Variants in SLC4A10 observed in about 807,000 individuals in gnomAD.
The protein encoded by SLC4A10 is sodium-driven chloride bicarbonate exchanger.
A neutral mutation model predicts 137.7 loss-of-function variants in SLC4A10; 42 were observed. The ratio of observed to expected loss-of-function variants is 0.30; its 90% CI spans 0.24 to 0.39. The LOEUF (loss-of-function observed/expected upper bound fraction) is 0.39, where lower values mean the gene tolerates loss of function less well. Ranked by LOEUF, SLC4A10 falls within the 10% of genes least tolerant of loss-of-function variation. The probability of loss-of-function intolerance (pLI) is 1.00; values close to 1 mark genes in which losing one functional copy is unlikely to be tolerated. For synonymous variants in SLC4A10, 474 were observed against 464.1 expected (o/e 1.02, Z -0.27); for missense variants, 925 against 1,355.0 (o/e 0.68, Z 4.98).
intron 1 of SLC4A10, among the ~76,000 whole-genome samples, chr2:161,688,592 A>G (rs2041672981): frequency 6.6e-6 from 1 of 152,184 alleles, no homozygotes; most frequent in Admixed American, 6.5e-5. Context: ...TTTTAGAATT[A>G]TTTCTTTAAT....
At chr2:161,654,557 T>A (rs1365582262) in intron 1 of SLC4A10, among the ~76,000 whole-genome samples, 1 of 152,180 alleles carries the variant, frequency 6.6e-6, no homozygotes, top group Non-Finnish European at 1.5e-5. Flanking sequence ...AAATTTTTTG[T>A]AAATGGTATA....
chr2:161,817,325 C>T (rs1439755956), intron 3 of SLC4A10, among the ~76,000 whole-genome samples: 1 of 151,834 alleles, frequency 6.6e-6, no homozygotes, highest in Admixed American at 6.6e-5. Flanking sequence ...TTTGATGGGA[C>T]TGTTTGTTTT....
At chr2:161,923,639 A>G (rs904704729) in intron 15 of SLC4A10, among the ~76,000 whole-genome samples, 2 of 151,804 alleles carry the variant, frequency 1.3e-5, no homozygotes, top group African/African-American at 4.8e-5. Flanking sequence ...ACACATGGAC[A>G]CAGGAAGGGG....
rs186710055 is a variant in SLC4A10 at position 161,727,120 on chromosome 2, G to A, written c.49-43853G>A. Among the ~76,000 whole-genome samples the A allele has an allele frequency of 2.4e-3, 361 of 152,264 alleles. 1 individual carries two copies. Among genetic ancestry groups the A allele is most frequent in the Non-Finnish European group, 3.6e-3 (247 of 68,022 alleles). ...TGTAACCCAGGTACAGTTAAAGGTG[G>A]AAAACACTATCTTAAGAACAGATGG... On this transcript the variant is annotated intron_variant, in intron 1 of 26. Coordinates refer to ENST00000446997, the MANE Select transcript of SLC4A10 (RefSeq NM_001178015.2).
At chr2:161,654,783 A>G (rs1012694836) in intron 1 of SLC4A10, among the ~76,000 whole-genome samples, 6 of 152,160 alleles carry the variant, frequency 3.9e-5, no homozygotes, top group South Asian at 2.1e-4. Flanking sequence ...TTGTAGATTT[A>G]TGATATATTT....
chr2:161,842,871 T>C (rs1291142181), intron 4 of SLC4A10, among the ~76,000 whole-genome samples: 2 of 152,136 alleles, frequency 1.3e-5, no homozygotes, highest in Non-Finnish European at 2.9e-5. Context: ...TAAGTTAAAG[T>C]TCCTCCCTCC....
intron 4 of SLC4A10, among the ~76,000 whole-genome samples, 198 bp downstream of exon 4, chr2:161,840,125 T>C (rs1350252646): frequency 1.1e-4 from 17 of 152,190 alleles, no homozygotes; most frequent in Admixed American, 1.1e-3. Flanking sequence ...TAAACGGTGA[T>C]GCAGAGCCAG....
chr2:161,847,085 CA>C (rs112754742), intron 4 of SLC4A10, among the ~76,000 whole-genome samples: 162 of 139,078 alleles, frequency 1.2e-3, no homozygotes, highest in East Asian at 2.4e-3. Flanking sequence ...TAAAAAAATA[CA>C]AAAAAAAAAA....
intron 1 of SLC4A10, among the ~76,000 whole-genome samples, chr2:161,734,731 T>C (rs1263480761): frequency 2.6e-5 from 4 of 151,486 alleles, no homozygotes; most frequent in Admixed American, 2.6e-4. Context: ...TCTCTTTATA[T>C]ACTCTGTATA....
At chr2:161,911,197 A>AG (rs917441090) in intron 15 of SLC4A10, among the ~76,000 whole-genome samples, 91 of 152,164 alleles carry the variant, frequency 6.0e-4, no homozygotes, top group African/African-American at 2.1e-3. Flanking sequence ...TAAAGAAAAT[A>AG]GTGCTTGTTT....
chr2:161,629,774 G>T (rs1425822493), intron 1 of SLC4A10, among the ~76,000 whole-genome samples: 2 of 151,648 alleles, frequency 1.3e-5, no homozygotes, highest in Non-Finnish European at 2.9e-5. Context: ...GCATTTTTTA[G>T]AGTATTATAT....
chr2:161,724,888 C>T (rs1475668747), intron 1 of SLC4A10, among the ~76,000 whole-genome samples: 1 of 151,998 alleles, frequency 6.6e-6, no homozygotes, highest in African/African-American at 2.4e-5. Flanking sequence ...CAGGATTTAC[C>T]TTAGTTGAAG....
At chr2:161,664,922 C>T (rs1291229807) in intron 1 of SLC4A10, among the ~76,000 whole-genome samples, 1 of 151,638 alleles carries the variant, frequency 6.6e-6, no homozygotes, top group Non-Finnish European at 1.5e-5. Context: ...GAAGCAGAGG[C>T]AACATCAAAA....
chr2:161,882,976 A>G (rs902818025), intron 10 of SLC4A10, among the ~76,000 whole-genome samples: 9 of 152,116 alleles, frequency 5.9e-5, no homozygotes, highest in Admixed American at 2.6e-4. Flanking sequence ...AAATTTTTCT[A>G]TGTAAAAAAT....
chr2:161,972,776 A>C (rs1019517242), intron 23 of SLC4A10, among the ~76,000 whole-genome samples: 1 of 152,220 alleles, frequency 6.6e-6, no homozygotes, highest in Non-Finnish European at 1.5e-5. Flanking sequence ...TAGGGTGGGC[A>C]CAGAGATTCT....
intron 2 of SLC4A10, among the ~76,000 whole-genome samples, chr2:161,777,850 T>C (rs1010914550): frequency 1.1e-4 from 16 of 152,110 alleles, no homozygotes; most frequent in Admixed American, 5.2e-4. Flanking sequence ...AAGAGCTTTA[T>C]AGTTTTGGGT....
At position 161,949,192 on chromosome 2, in the gene SLC4A10, G is replaced by A. The variant is rs1349331672; in HGVS notation, c.2310G>A (p.Leu770=). 6.2e-7 allele frequency: 1 copy of A among 1,611,166 alleles called. No homozygotes were observed. Among genetic ancestry groups the A allele is most frequent in the African/African-American group, 1.3e-5 (1 of 74,668 alleles). The part of the protein sequence containing the change: ...VSDFAVFLTI[L]CMVLIDYAIG... ...ACTTTGCTGTCTTTCTTACAATTCT[G>A]TGTATGGTTTTAATTGACTATGCCA... Residue 770 remains leucine (L), a synonymous_variant, in exon 18 of 27, where the codon CTG becomes CTA. Coordinates refer to ENST00000446997, the MANE Select transcript of SLC4A10 (RefSeq NM_001178015.2).
chr2:161,723,495 A>T (rs1028971488), intron 1 of SLC4A10, among the ~76,000 whole-genome samples: 1 of 152,138 alleles, frequency 6.6e-6, no homozygotes, highest in South Asian at 2.1e-4. Flanking sequence ...TTTCGTTTCC[A>T]CTAGAAATAA....
intron 15 of SLC4A10, among the ~76,000 whole-genome samples, chr2:161,934,938 T>C (rs889136491): frequency 2.0e-5 from 3 of 152,188 alleles, no homozygotes; most frequent in Non-Finnish European, 4.4e-5. Context: ...TTTAGTTTGA[T>C]GTAATCTCAT....
Sources: allele counts gnomAD v4.1 joint callset (sites outside exome capture counted in the v4.1 genomes callset), GRCh38; gene constraint gnomAD v4.1.1; transcripts MANE v1.5; gene names NCBI Gene and HGNC (gene_info 2026-07-23, HGNC 2026-07-21).